Variants in CCDC33 observed in about 807,000 individuals in gnomAD.
CCDC33 encodes the protein coiled-coil domain-containing protein 33.
In CCDC33, 94 loss-of-function variants were observed where a neutral mutation model predicts 91.9. The ratio of observed to expected loss-of-function variants is 1.02; its 90% CI spans 0.87 to 1.21. The LOEUF is 1.21. CCDC33 is among the 50% of genes most tolerant of loss of function. CCDC33 has a pLI of 0.00. For missense variants in CCDC33, 940 were observed against 935.5 expected (o/e 1.00, Z -0.06); for synonymous variants, 396 against 374.5 (o/e 1.06, Z -0.66).
At chr15:74,231,872 C>T (rs993240505), upstream of CCDC33, among the ~76,000 whole-genome samples, 4 of 152,028 alleles carry the variant, frequency 2.6e-5, no homozygotes, top group Admixed American at 1.3e-4. Context: ...AAAAATTAGC[C>T]GGGCGTGGTG....
intron 2 of CCDC33, among the ~76,000 whole-genome samples, chr15:74,220,512 G>A (rs62003663): frequency 0.37 from 55,751 of 152,024 alleles, 11,474 homozygotes; most frequent in South Asian, 0.6. Flanking sequence ...GCTGTCCCCT[G>A]CTCTCCAGGT....
intron 18 of CCDC33, chr15:74,335,507 T>C: frequency 2.5e-6 from 1 of 396,224 alleles, no homozygotes; most frequent in South Asian, 3.6e-5. Flanking sequence ...ATGGCCACGA[T>C]GTAGGCTCCA....
intron 2 of CCDC33, among the ~76,000 whole-genome samples, chr15:74,255,098 C>G (rs1431407402): frequency 1.5e-5 from 2 of 133,426 alleles, no homozygotes; most frequent in African/African-American, 5.3e-5. Flanking sequence ...CCTTTCCCCC[C>G]ATCCTGAAAG....
chr15:74,307,080 T>C (rs933155080), intron 11 of CCDC33, among the ~76,000 whole-genome samples: 2 of 152,096 alleles, frequency 1.3e-5, no homozygotes, highest in African/African-American at 4.8e-5. Flanking sequence ...CTGTCCATCC[T>C]TAATTAAATG....
chr15:74,320,480 T>C (rs2060184737), intron 11 of CCDC33, among the ~76,000 whole-genome samples: 1 of 151,672 alleles, frequency 6.6e-6, no homozygotes, highest in African/African-American at 2.4e-5. Context: ...CACCGGGAAC[T>C]CTCTGAGTGC....
chr15:74,264,623 G>T (rs1255917070), intron 3 of CCDC33, among the ~76,000 whole-genome samples: 2 of 152,182 alleles, frequency 1.3e-5, no homozygotes, highest in Non-Finnish European at 2.9e-5. Flanking sequence ...GCTCCTCGTG[G>T]TGCTTTGGCT....
intron 11 of CCDC33, among the ~76,000 whole-genome samples, chr15:74,318,978 T>C (rs1466689727): frequency 6.6e-6 from 1 of 152,042 alleles, no homozygotes; most frequent in East Asian, 1.9e-4. Flanking sequence ...GTCTTGGAGG[T>C]CCAGCCTTGG....
chr15:74,282,946 C>T (rs1043233560), intron 10 of CCDC33, among the ~76,000 whole-genome samples: 5 of 152,200 alleles, frequency 3.3e-5, no homozygotes, highest in African/African-American at 7.2e-5. Flanking sequence ...CTAATGTCCG[C>T]GCCAACCCAC....
intron 1 of CCDC33, among the ~76,000 whole-genome samples, chr15:74,217,803 G>A (rs2074486559): frequency 6.6e-6 from 1 of 152,096 alleles, no homozygotes; most frequent in South Asian, 2.1e-4. Flanking sequence ...GTCACGCAAG[G>A]TCAGGTGAGA....
chr15:74,318,330 G>A (rs1254099473), intron 11 of CCDC33, among the ~76,000 whole-genome samples: 3 of 152,080 alleles, frequency 2.0e-5, no homozygotes, highest in Non-Finnish European at 4.4e-5. Flanking sequence ...TGGGCCAGGG[G>A]AGTCAGAAGG....
At chr15:74,309,530 GCT>G (rs2059952384) in intron 11 of CCDC33, among the ~76,000 whole-genome samples, 2 of 152,210 alleles carry the variant, frequency 1.3e-5, no homozygotes, top group Non-Finnish European at 2.9e-5. Context: ...GGGGGACAGT[GCT>G]AGCCCTTATC....
intron 2 of CCDC33, among the ~76,000 whole-genome samples, chr15:74,225,117 CGTGTGTGTGTGTGTGT>C (rs3057568): frequency 2.1e-5 from 3 of 139,832 alleles, no homozygotes; most frequent in East Asian, 2.1e-4. Flanking sequence ...CTCCTGGAGG[CGTGTGTGTGTGTGTGT>C]GTGTGTGTGT....
intron 2 of CCDC33, among the ~76,000 whole-genome samples, chr15:74,257,220 C>T (rs1239880896): frequency 2.6e-5 from 4 of 152,222 alleles, no homozygotes; most frequent in Non-Finnish European, 5.9e-5. Flanking sequence ...GAGTCCCTCG[C>T]GTTGCTGAGA....
At chr15:74,226,906 CAG>C (rs1377852569) in intron 2 of CCDC33, among the ~76,000 whole-genome samples, 1 of 151,208 alleles carries the variant, frequency 6.6e-6, no homozygotes, top group African/African-American at 2.4e-5. Context: ...AGGGGGGAAA[CAG>C]GAGGTGGAGA....
chr15:74,331,457 C>A (rs577527453), intron 15 of CCDC33, among the ~76,000 whole-genome samples, 161 bp downstream of exon 15: 1 of 152,326 alleles, frequency 6.6e-6, no homozygotes, highest in Non-Finnish European at 1.5e-5. Context: ...CTGCTCCCCT[C>A]CTCATTCAGG....
At chr15:74,214,849 C>T (rs1021519801), upstream of CCDC33, among the ~76,000 whole-genome samples, 1 of 152,358 alleles carries the variant, frequency 6.6e-6, no homozygotes, top group Non-Finnish European at 1.5e-5. Context: ...ACTCTTATTC[C>T]TTTCTGCATA....
chr15:74,330,661 A>G lies in CCDC33; in HGVS notation c.1457-2A>G, dbSNP rs2060412371. On this transcript the variant is annotated splice_acceptor_variant, in intron 12 of 18. Transcript: ENST00000398814. LOFTEE classifies it high-confidence loss of function. The stretch of plus-strand genomic sequence containing the variant: ...GAGCCAGCTCCCCAACCCACCTAAC[A>G]GTGTCCATGAAGCAGAAACTGCTGC... 1 of 1,612,298 alleles carries G rather than the reference A, an allele frequency of 6.2e-7. No individual in the cohort carries two copies. The highest frequency in any genetic ancestry group is 8.5e-7 in the Non-Finnish European group (1 of 1,179,156).
intron 2 of CCDC33, among the ~76,000 whole-genome samples, chr15:74,223,649 C>G (rs1272007927): frequency 2.0e-5 from 3 of 150,076 alleles, no homozygotes; most frequent in Admixed American, 1.3e-4. Flanking sequence ...CCCCCACCCT[C>G]TGGGCCTCAG....
intron 11 of CCDC33, among the ~76,000 whole-genome samples, chr15:74,328,841 G>A (rs1338504180): frequency 6.6e-6 from 1 of 152,198 alleles, no homozygotes; most frequent in African/African-American, 2.4e-5. Flanking sequence ...GCTTCCTGGA[G>A]GTGTGAGTCC....
Sources: allele counts gnomAD v4.1 joint callset (sites outside exome capture counted in the v4.1 genomes callset), GRCh38; gene constraint gnomAD v4.1.1; transcripts MANE v1.5; gene names NCBI Gene and HGNC (gene_info 2026-07-23, HGNC 2026-07-21).